Variants in COL27A1 observed in about 807,000 individuals in gnomAD.
COL27A1 encodes collagen alpha-1(XXVII) chain.
In COL27A1, 106 loss-of-function variants were observed where a neutral mutation model predicts 251.3. The ratio of observed to expected loss-of-function variants is 0.42; its 90% CI spans 0.36 to 0.50. The LOEUF (loss-of-function observed/expected upper bound fraction) is 0.50. Ranked by LOEUF, COL27A1 falls within the 20% of genes least tolerant of loss-of-function variation. COL27A1 has a pLI of 0.00. For missense variants in COL27A1, 2,325 were observed against 2,522.8 expected (o/e 0.92, Z 1.68); for synonymous variants, 1,000 against 986.3 (o/e 1.01, Z -0.26).
rs56094843 is a variant in COL27A1 at position 114,311,548 on chromosome 9, G to GAAAAAAAAAAAAAAAAAAAAAA, written c.*870_*871insAAAAAAAAAAAAAAAAAAAAAA. On this transcript the variant is annotated 3_prime_UTR_variant, in exon 61 of 61. Coordinates refer to ENST00000356083, the MANE Select transcript of COL27A1 (RefSeq NM_032888.4). ...AGGAGGAAAAAAGAAAAGAAAAAAG[G>GAAAAAAAAAAAAAAAAAAAAAA]AAAAAAAAAAAAAAAAAGCAAAACA... The GAAAAAAAAAAAAAAAAAAAAAA allele has an allele frequency of 1.0e-5, 1 of 96,216 alleles. No individual in the cohort carries two copies. Among genetic ancestry groups the GAAAAAAAAAAAAAAAAAAAAAA allele is most frequent in the Non-Finnish European group, 2.4e-5 (1 of 41,942 alleles). 6.0% of individuals were successfully genotyped at this position (96,216 alleles called of 1,614,324 possible).
chr9:114,268,753 T>C (rs1834913846), intron 34 of COL27A1: 1 of 152,834 alleles, frequency 6.5e-6, no homozygotes, highest in Admixed American at 6.5e-5. Context: ...CTGGGCAACG[T>C]AGTGAGACCC....
At chr9:114,187,883 A>G (rs1828490881) in intron 5 of COL27A1, among the ~76,000 whole-genome samples, 1 of 152,258 alleles carries the variant, frequency 6.6e-6, no homozygotes, top group Non-Finnish European at 1.5e-5. Context: ...ATGTTAGAAT[A>G]TCTCCAATTA....
chr9:114,221,198 G>C (rs1008267336), intron 13 of COL27A1, among the ~76,000 whole-genome samples: 1 of 152,060 alleles, frequency 6.6e-6, no homozygotes, highest in Non-Finnish European at 1.5e-5. Context: ...GAGGTCCCAG[G>C]TGCCTCTTTG....
In COL27A1 at chr9:114,169,412, T is replaced by C. The variant is rs1849152119; in HGVS notation, c.1857T>C (p.Pro619=). The C allele has an allele frequency of 1.9e-6, 3 of 1,589,716 alleles. No homozygotes were observed. The South Asian group carries it at 3.4e-5, about 18-fold the overall frequency. Residue 619 remains proline (P), a synonymous_variant, in exon 3 of 61, where the codon CCT becomes CCC. Coordinates refer to ENST00000356083, the MANE Select transcript of COL27A1 (RefSeq NM_032888.4). ...TCTTCCACCTGGCAGGATCTACGCC[T>C]TTCCCTCTGCTGATGGGGCCTCCGG... ...YSIFHLAGST[P]FPLLMGPPGP... is the part of the protein sequence containing the mutation.
At chr9:114,306,327 A>G in intron 57 of COL27A1, 193 bp from the exon 58 acceptor site, 1 of 579,268 alleles carries the variant, frequency 1.7e-6, no homozygotes, top group East Asian at 2.9e-5. Context: ...CCATTGTGAT[A>G]GCCTCTCCTC....
chr9:114,181,089 G>C (rs1418089429), intron 4 of COL27A1, among the ~76,000 whole-genome samples: 1 of 152,188 alleles, frequency 6.6e-6, no homozygotes, highest in African/African-American at 2.4e-5. Context: ...GCCTGGGCTG[G>C]GGTGAACATC....
In COL27A1 at chr9:114,180,148, A is replaced by G. The variant is rs4979350; in HGVS notation, c.1962+1804A>G. Among the ~76,000 whole-genome samples the G allele has an allele frequency of 3.1e-4, 47 of 152,066 alleles. No homozygotes were observed. In the East Asian group the frequency reaches 6.0e-3, roughly 19 times the overall value. On this transcript the variant is annotated intron_variant, in intron 4 of 60. Coordinates refer to ENST00000356083, the MANE Select transcript of COL27A1 (RefSeq NM_032888.4). ...AGCCACTGCGCCTAGCCCAGAGCCT[A>G]CCATCTTAAGCATCTATTGTGCTTA...
At chr9:114,243,451 C>G (rs1478686472) in intron 22 of COL27A1, 56 bp from the exon 23 acceptor site, 23 of 1,497,922 alleles carry the variant, frequency 1.5e-5, no homozygotes, top group Non-Finnish European at 2.0e-5. Context: ...AGCCCCTGGA[C>G]CCCAGCCATG....
chr9:114,173,165 C>T (rs4979344), intron 3 of COL27A1, among the ~76,000 whole-genome samples: 22,661 of 152,208 alleles, frequency 0.15, 2,114 homozygotes, highest in East Asian at 0.38. Flanking sequence ...GCGGGGAGGC[C>T]GTGGTTCACA....
chr9:114,196,207 T>C (rs1052453418), intron 7 of COL27A1, among the ~76,000 whole-genome samples, 195 bp downstream of exon 7: 1 of 152,230 alleles, frequency 6.6e-6, no homozygotes, highest in African/African-American at 2.4e-5. Flanking sequence ...CCTCGGCTCG[T>C]AGTAGGTGCC....
chr9:114,306,512 C>G lies in COL27A1; in HGVS notation c.4939-8C>G. 1 of 1,613,646 alleles carries G rather than the reference C, an allele frequency of 6.2e-7. No homozygotes were observed. ...AAGGTCCCAATGACCACCCTCTCCT[C>G]GTGACAGAGTTACAGCTATCCAGAC... On this transcript the variant is annotated splice_polypyrimidine_tract_variant and splice_region_variant and intron_variant, in intron 57 of 60. Transcript: ENST00000356083.
chr9:114,209,031 C>T (rs1043604412), intron 10 of COL27A1, among the ~76,000 whole-genome samples: 1 of 152,122 alleles, frequency 6.6e-6, no homozygotes, highest in African/African-American at 2.4e-5. Flanking sequence ...ATTAGGAATT[C>T]CCGAAGAGAA....
intron 4 of COL27A1, among the ~76,000 whole-genome samples, chr9:114,180,128 C>T (rs770442349): frequency 2.0e-5 from 3 of 151,870 alleles, no homozygotes; most frequent in Non-Finnish European, 4.4e-5. Context: ...GTGTGAGCCA[C>T]TGCGCCTAGC....
upstream of COL27A1, among the ~76,000 whole-genome samples, chr9:114,155,401 C>T (rs1001031780): frequency 4.6e-5 from 7 of 152,138 alleles, no homozygotes; most frequent in Non-Finnish European, 8.8e-5. This position sits in a 1 kb window ranked among gnomAD's most constrained non-coding sequence, Gnocchi z 5.5. Context: ...AGTGGGCCAG[C>T]TGAGGCTGTA....
intron 23 of COL27A1, among the ~76,000 whole-genome samples, chr9:114,244,751 A>G (rs899695440): frequency 6.6e-6 from 1 of 152,188 alleles, no homozygotes; most frequent in Non-Finnish European, 1.5e-5. Flanking sequence ...GCCCGAGCCC[A>G]TGTCCTGCCG....
chr9:114,231,970 T>C, intron 16 of COL27A1, 104 bp downstream of exon 16: 2 of 1,062,048 alleles, frequency 1.9e-6, no homozygotes, highest in South Asian at 2.7e-5. Context: ...TCCCCTGCAC[T>C]CTTCCTGCCT....
Position 114,252,913 on chromosome 9 carries a change from C to G in COL27A1, c.3122C>G (p.Pro1041Arg). The G allele has an allele frequency of 6.2e-7, 1 of 1,613,710 alleles. No individual in the cohort carries two copies. Among genetic ancestry groups the G allele is most frequent in the Non-Finnish European group, 8.5e-7 (1 of 1,179,726 alleles). ...GGAATGCCAGGTGGTATGGGGACCC[C>G]TGGAGAGCCTGGACCCCAGGTAAGC... ...HPGMPGGMGT[P>R]GEPGPQGPPG... Residue 1041 changes from proline (P) to arginine (R), a missense_variant, in exon 27 of 61, where the codon CCT becomes CGT. Pro to Arg is a moderately radical substitution (Grantham distance 103). This residue lies in a region of COL27A1 where 662 missense variants were observed against 795.3 expected (regional missense o/e 0.83). Coordinates refer to ENST00000356083, the MANE Select transcript of COL27A1 (RefSeq NM_032888.4).
intron 44 of COL27A1, 106 bp from the exon 45 acceptor site, chr9:114,289,136 G>A (rs1036747888): frequency 1.4e-6 from 2 of 1,387,728 alleles, no homozygotes; most frequent in African/African-American, 1.5e-5. Context: ...CCCAGAACCT[G>A]CACCCCCAAA....
intron 57 of COL27A1, among the ~76,000 whole-genome samples, chr9:114,305,512 C>G (rs966677380): frequency 1.3e-5 from 2 of 152,322 alleles, no homozygotes; most frequent in East Asian, 3.9e-4. Flanking sequence ...CAAGCACCTC[C>G]TACCCACTCT....
Sources: gnomAD v4.1 joint callset for allele counts (sites outside exome capture counted in the v4.1 genomes callset) on GRCh38, gnomAD v4.1.1 for gene constraint, gnomAD v4.1.1 regional missense constraint, Gnocchi (gnomAD v3.1) non-coding constraint, MANE v1.5 for transcripts, NCBI Gene and HGNC (gene_info 2026-07-23, HGNC 2026-07-21) for gene names.